The following WSCD1 variants were observed in gnomAD, a reference collection of about 807,000 sequenced individuals.
WSCD1 encodes WSC domain sialate O sulfotransferase 1.
Under a neutral mutation model 60.4 loss-of-function variants are expected in WSCD1, and 41 were observed. That is an observed-to-expected ratio of 0.68 (90% CI 0.53 to 0.88). The LOEUF (loss-of-function observed/expected upper bound fraction) is 0.88. Among genes scored for constraint, WSCD1 ranks in the 40% least tolerant of loss-of-function variants. The pLI, the probability that WSCD1 is intolerant of heterozygous loss-of-function variation, is 0.00. For missense variants in WSCD1, 784 were observed against 796.2 expected (o/e 0.98, Z 0.18); for synonymous variants, 361 against 332.5 (o/e 1.09, Z -0.93).
At chr17:6,073,320 A>C (rs1307630516) in intron 1 of WSCD1, among the ~76,000 whole-genome samples, 1 of 152,206 alleles carries the variant, frequency 6.6e-6, no homozygotes, top group Non-Finnish European at 1.5e-5. Flanking sequence ...TAAGTAAACA[A>C]AATAAGATTC....
chr17:6,109,718 G>T lies in WSCD1; in HGVS notation c.961G>T (p.Ala321Ser). Residue 321 changes from alanine (A) to serine (S), a missense_variant, in exon 6 of 9, where the codon GCA (alanine) becomes TCA (serine). Physicochemically the swap from Ala to Ser is moderately conservative, Grantham distance 99. Coordinates refer to ENST00000317744, the MANE Select transcript of WSCD1 (RefSeq NM_015253.2). The part of the protein sequence containing the change: ...DSSVCGQDPE[A>S]QRLAEYCEVY... ...CTCAGTATGTGGCCAGGACCCTGAG[G>T]CACAGAGGCTGGCAGAATACTGTGA... 1 of 1,614,134 alleles carries T rather than the reference G, an allele frequency of 6.2e-7. No homozygotes were observed. Among genetic ancestry groups the T allele is most frequent in the Non-Finnish European group, 8.5e-7 (1 of 1,180,002 alleles).
rs777103717 is a variant in WSCD1, at chr17:6,081,083, G to A, written c.425G>A (p.Arg142Gln). ...GCTGCCAGGCCCGCCATCCACAGCC[G>A]AGGTAGGCGCTCAGCTGCATTTGGG... is the stretch of plus-strand genomic sequence containing the variant. Reference protein sequence around the residue: ...PEAARPAIHSRGTYIGCFSDD... With the variant: ...PEAARPAIHSQGTYIGCFSDD... Residue 142 changes from arginine to glutamine, a missense_variant and splice_region_variant, in exon 2 of 9, where the codon CGA (arginine) becomes CAA (glutamine). Transcript: ENST00000317744. 143 of 1,536,346 alleles carry A rather than the reference G, an allele frequency of 9.3e-5. No homozygotes were observed. The highest frequency in any genetic ancestry group is 9.1e-4 in the East Asian group (37 of 40,814).
At chr17:6,083,534 C>A (rs913307251) in intron 2 of WSCD1, among the ~76,000 whole-genome samples, 1 of 152,200 alleles carries the variant, frequency 6.6e-6, no homozygotes, top group Non-Finnish European at 1.5e-5. Context: ...CGTGAGCCAC[C>A]ACGCCCAGCC....
chr17:6,087,701 G>A (rs1909748855), intron 2 of WSCD1, among the ~76,000 whole-genome samples: 1 of 152,234 alleles, frequency 6.6e-6, no homozygotes, highest in African/African-American at 2.4e-5. Flanking sequence ...TCTGAGTTGG[G>A]GTAGTGGAAG....
rs766208792 is a variant in WSCD1 at position 6,080,687 on chromosome 17, A to C, written c.29A>C (p.Lys10Thr). The C allele has an allele frequency of 3.7e-6, 6 of 1,613,592 alleles. No homozygotes were observed. In the Admixed American group the frequency reaches 1.0e-4, roughly 27 times the overall value. ...GCCAAACCTTTCTTCCGACTCCAGA[A>C]GTTTCTCCGCCGAACACAGTTCCTG... is the stretch of plus-strand genomic sequence containing the variant. MAKPFFRLQ[K>T]FLRRTQFLLF... The change falls in exon 2 of 9, where the codon AAG becomes ACG. Residue 10 changes from lysine to threonine, a missense_variant. By Grantham distance (78) the Lys-to-Thr change is moderately conservative. Coordinates refer to ENST00000317744, the MANE Select transcript of WSCD1 (RefSeq NM_015253.2). This position sits in a 1 kb window ranked among gnomAD's most constrained non-coding sequence, Gnocchi z 6.6.
At chr17:6,100,917 G>A (rs1910761765) in intron 5 of WSCD1, among the ~76,000 whole-genome samples, 1 of 152,220 alleles carries the variant, frequency 6.6e-6, no homozygotes, top group Admixed American at 6.5e-5. Context: ...TCCAACCATT[G>A]TGAGGATGGA....
intron 5 of WSCD1, among the ~76,000 whole-genome samples, chr17:6,099,598 G>C (rs981508634): frequency 6.6e-6 from 1 of 152,170 alleles, no homozygotes; most frequent in East Asian, 1.9e-4. Flanking sequence ...GGTGTACCGA[G>C]TGTCATGGCC....
chr17:6,080,408 G>A lies in WSCD1; in HGVS notation c.-251G>A. The A allele has an allele frequency of 1.9e-6, 1 of 531,394 alleles. No homozygotes were observed. Among genetic ancestry groups the A allele is most frequent in the South Asian group, 2.5e-5 (1 of 39,562 alleles). The allele number at this position is 531,394 out of a possible 1,614,324, so 32.9% of individuals were successfully genotyped here. A position where few individuals can be genotyped will look rare whatever the true frequency, so the allele number is the denominator to read the frequency against. ...GGAGATGAGGGGCGGTAGAGCCCTGGAATGGAGATGTCCTTGACGCCTGGG... is the reference window on the plus strand; with the variant it reads ...GGAGATGAGGGGCGGTAGAGCCCTGAAATGGAGATGTCCTTGACGCCTGGG... On this transcript the variant is annotated 5_prime_UTR_variant, in exon 2 of 9. Transcript: ENST00000317744. This position sits in a 1 kb window ranked among gnomAD's most constrained non-coding sequence, Gnocchi z 6.6.
intron 1 of WSCD1, among the ~76,000 whole-genome samples, chr17:6,072,302 G>C (rs369579636): frequency 2.0e-5 from 3 of 152,344 alleles, no homozygotes; most frequent in East Asian, 3.9e-4. Context: ...GCTGAAGCTT[G>C]AGCCTCCAAC....
At chr17:6,072,003 C>G (rs944880023) in intron 1 of WSCD1, among the ~76,000 whole-genome samples, 3 of 152,236 alleles carry the variant, frequency 2.0e-5, no homozygotes, top group Admixed American at 1.3e-4. Context: ...GGTGGCTGAG[C>G]CTGACTGCCT....
chr17:6,120,694 T>A lies in WSCD1; in HGVS notation c.*33T>A, dbSNP rs1425618771. 4.4e-6 allele frequency: 7 copies of A among 1,577,408 alleles called. No individual in the cohort carries two copies. The highest frequency in any genetic ancestry group is 6.0e-6 in the Non-Finnish European group (7 of 1,159,878). On this transcript the variant is annotated 3_prime_UTR_variant, in exon 9 of 9. Coordinates refer to ENST00000317744, the MANE Select transcript of WSCD1 (RefSeq NM_015253.2). ...GGCCCACGCCGCCGCCCCCGCTGAG[T>A]GACGCAATCGCACCACGGGGCTGCG... is the stretch of plus-strand genomic sequence containing the variant.
At chr17:6,083,590 C>G (rs1349457904) in intron 2 of WSCD1, among the ~76,000 whole-genome samples, 1 of 152,108 alleles carries the variant, frequency 6.6e-6, no homozygotes, top group Non-Finnish European at 1.5e-5. Context: ...ACCAGCCTGG[C>G]CAACATGGTG....
At chr17:6,099,490 G>A (rs893343026) in intron 5 of WSCD1, among the ~76,000 whole-genome samples, 3 of 151,780 alleles carry the variant, frequency 2.0e-5, no homozygotes, top group Non-Finnish European at 4.4e-5. Context: ...GCTCCAGCCT[G>A]GGCGACAGAG....
chr17:6,109,598 C>A lies in WSCD1; in HGVS notation c.850-9C>A. 1 of 1,612,758 alleles carries A rather than the reference C, an allele frequency of 6.2e-7. No homozygotes were observed. The highest frequency in any genetic ancestry group is 8.5e-7 in the Non-Finnish European group (1 of 1,179,114). ...TCAGTGTGCTTCTCTTCTTATCGTT[C>A]CCTGGCAGGAGTTCCCCTTGGCCAT... is the stretch of plus-strand genomic sequence containing the variant. On this transcript the variant is annotated splice_polypyrimidine_tract_variant and intron_variant, in intron 5 of 8. Transcript: ENST00000317744.
At position 6,094,589 on chromosome 17, in the gene WSCD1, G is replaced by C. The variant is rs189693143; in HGVS notation, c.728-513G>C. Among the ~76,000 whole-genome samples the C allele has an allele frequency of 1.3e-3, 174 of 131,828 alleles. 1 individual carries two copies. The highest frequency in any genetic ancestry group is 4.3e-3 in the African/African-American group (169 of 39,378). The allele number at this position is 131,828 out of a possible 152,430, so 86.5% of individuals were successfully genotyped here. On this transcript the variant is annotated intron_variant, in intron 4 of 8. Coordinates refer to ENST00000317744, the MANE Select transcript of WSCD1 (RefSeq NM_015253.2). ...GAAGGAAAAGGAAGGAGAAGGAAGG[G>C]AGGAAGGAAGGAAGGAAGGAGAAGG...
chr17:6,089,576 C>T (rs1909890741), intron 3 of WSCD1, among the ~76,000 whole-genome samples: 1 of 152,138 alleles, frequency 6.6e-6, no homozygotes, highest in South Asian at 2.1e-4. Context: ...CACTTCAGAC[C>T]AGCTCACGGC....
chr17:6,120,353 C>A lies in WSCD1; in HGVS notation c.1420C>A (p.His474Asn), dbSNP rs1219477608. The A allele has an allele frequency of 1.9e-6, 3 of 1,613,986 alleles. No individual in the cohort carries two copies. ...VNSYASWWSS[H>N]VLDWLKYGKR... ...CAGCTACGCCTCGTGGTGGTCCTCG[C>A]ACGTCCTGGACTGGCTCAAGTACGG... is the stretch of plus-strand genomic sequence containing the variant. The change falls in exon 9 of 9, where the codon CAC becomes AAC. Residue 474 changes from histidine (H) to asparagine (N), a missense_variant. Transcript: ENST00000317744.
At position 6,123,868 on chromosome 17, in the gene WSCD1, T is replaced by C. The variant is rs1327761998; in HGVS notation, c.*3207T>C. Reference sequence around the variant, plus strand: ...GGCCAGGTTGTAGTCCCAGCTCTTATCTGCCATCTTGGACAAAGCTTTTCC... The same window carrying C: ...GGCCAGGTTGTAGTCCCAGCTCTTACCTGCCATCTTGGACAAAGCTTTTCC... On this transcript the variant is annotated 3_prime_UTR_variant, in exon 9 of 9. Transcript: ENST00000317744. 1 of 152,242 alleles carries C rather than the reference T, an allele frequency of 6.6e-6. No individual in the cohort carries two copies. Among genetic ancestry groups the C allele is most frequent in the African/African-American group, 2.4e-5 (1 of 41,464 alleles). The allele number at this position is 152,242 out of a possible 1,614,324, so 9.4% of individuals were successfully genotyped here.
intron 2 of WSCD1, among the ~76,000 whole-genome samples, chr17:6,082,520 G>A (rs1883763960): frequency 6.6e-6 from 1 of 152,222 alleles, no homozygotes; most frequent in Non-Finnish European, 1.5e-5. Context: ...GCTCCGGGTT[G>A]GAGCTGTTTA....
Sources: allele counts gnomAD v4.1 joint callset (sites outside exome capture counted in the v4.1 genomes callset), GRCh38; gene constraint gnomAD v4.1.1; non-coding constraint Gnocchi (gnomAD v3.1); transcripts MANE v1.5; gene names NCBI Gene and HGNC (gene_info 2026-07-23, HGNC 2026-07-21).